The following LONP2 variants were observed in gnomAD, a reference collection of about 807,000 sequenced individuals.
LONP2 encodes the protein lon protease homolog 2, peroxisomal.
Under a neutral mutation model 85.6 loss-of-function variants are expected in LONP2, and 60 were observed. The observed-to-expected ratio is 0.70, with a 90% CI of 0.57 to 0.87. The LOEUF (loss-of-function observed/expected upper bound fraction) is 0.87, where lower values mean the gene tolerates loss of function less well. Ranked by LOEUF, LONP2 falls within the 40% of genes least tolerant of loss-of-function variation. LONP2 has a pLI of 0.00. For missense variants in LONP2, 860 were observed against 1,063.5 expected, an observed-to-expected ratio of 0.81 and a Z score of 2.66; for synonymous variants, 395 against 389.7, an observed-to-expected ratio of 1.01 and a Z score of -0.16.
chr16:48,317,233 A>G (rs1258664359), intron 11 of LONP2, among the ~76,000 whole-genome samples: 1 of 152,180 alleles, frequency 6.6e-6, no homozygotes, highest in African/African-American at 2.4e-5. Flanking sequence ...TCAACTTAGG[A>G]GTTAGTCAAC....
intron 13 of LONP2, 66 bp from the exon 14 acceptor site, chr16:48,348,030 CTTTT>C (rs956803139): frequency 3.7e-6 from 5 of 1,359,238 alleles, no homozygotes; most frequent in African/African-American, 1.5e-5. Context: ...TTGTTTGTGA[CTTTT>C]TTTTTAGGAG....
chr16:48,281,581 C>T (rs552038086), intron 8 of LONP2, among the ~76,000 whole-genome samples: 1 of 152,104 alleles, frequency 6.6e-6, no homozygotes, highest in African/African-American at 2.4e-5. Flanking sequence ...ATAACTGGCA[C>T]ATGTCCAGAC....
At chr16:48,269,946 A>G (rs1029863996) in intron 6 of LONP2, 70 bp from the exon 7 acceptor site, 10 of 1,503,666 alleles carry the variant, frequency 6.7e-6, no homozygotes, top group Non-Finnish European at 8.1e-6. Context: ...TGCCCTCGTC[A>G]TGCTTGAAAG....
At chr16:48,254,413 G>C (rs1971714967) in intron 2 of LONP2, among the ~76,000 whole-genome samples, 1 of 150,968 alleles carries the variant, frequency 6.6e-6, no homozygotes, top group Non-Finnish European at 1.5e-5. Context: ...GCCCAGGCTG[G>C]AGTGCAGTGG....
At chr16:48,294,515 C>A (rs1382959389) in intron 8 of LONP2, among the ~76,000 whole-genome samples, 1 of 152,154 alleles carries the variant, frequency 6.6e-6, no homozygotes, top group Non-Finnish European at 1.5e-5. Flanking sequence ...TCTGTAATCC[C>A]TGCACTTTGG....
intron 2 of LONP2, among the ~76,000 whole-genome samples, chr16:48,253,085 G>A (rs770710576): frequency 6.6e-6 from 1 of 152,204 alleles, no homozygotes; most frequent in Non-Finnish European, 1.5e-5. Flanking sequence ...TGAAATATGT[G>A]TGGGGCAAGT....
At chr16:48,258,083 C>T (rs1482923034) in intron 3 of LONP2, among the ~76,000 whole-genome samples, 1 of 152,192 alleles carries the variant, frequency 6.6e-6, no homozygotes, top group African/African-American at 2.4e-5. Context: ...CGCAGTGGCC[C>T]ACGCCTGTAA....
intron 8 of LONP2, among the ~76,000 whole-genome samples, chr16:48,286,651 C>T (rs889647240): frequency 2.6e-5 from 4 of 152,020 alleles, no homozygotes; most frequent in Admixed American, 2.6e-4. Flanking sequence ...ACTACAGGCA[C>T]ACACCAGCAT....
intron 11 of LONP2, among the ~76,000 whole-genome samples, chr16:48,332,722 A>T (rs961051113): frequency 1.3e-5 from 2 of 151,800 alleles, no homozygotes; most frequent in Admixed American, 1.3e-4. Context: ...AAAAAAAAAA[A>T]ATTACATATA....
intron 8 of LONP2, among the ~76,000 whole-genome samples, chr16:48,286,145 T>C (rs1972436959): frequency 6.7e-6 from 1 of 149,832 alleles, no homozygotes; most frequent in Non-Finnish European, 1.5e-5. Flanking sequence ...TTGTAATCTT[T>C]TTTTTTTTTT....
At chr16:48,287,815 T>A (rs1972478900) in intron 8 of LONP2, among the ~76,000 whole-genome samples, 1 of 152,244 alleles carries the variant, frequency 6.6e-6, no homozygotes, top group African/African-American at 2.4e-5. Flanking sequence ...GTATGTAGCA[T>A]TCTGAAAAAG....
At chr16:48,288,577 G>T (rs754285143) in intron 8 of LONP2, among the ~76,000 whole-genome samples, 1 of 152,132 alleles carries the variant, frequency 6.6e-6, no homozygotes, top group Non-Finnish European at 1.5e-5. Context: ...AGACCAAGGT[G>T]TTTATAGGTT....
At chr16:48,289,937 T>G (rs762504912) in intron 8 of LONP2, among the ~76,000 whole-genome samples, 5 of 152,176 alleles carry the variant, frequency 3.3e-5, no homozygotes, top group Non-Finnish European at 7.4e-5. Context: ...GTATTCAAGA[T>G]TGTAAAATAT....
intron 8 of LONP2, among the ~76,000 whole-genome samples, chr16:48,280,799 C>T (rs1322624478): frequency 2.6e-5 from 4 of 152,170 alleles, no homozygotes; most frequent in Non-Finnish European, 5.9e-5. Context: ...CCTCAGACCT[C>T]ACAGATTGTT....
chr16:48,298,253 G>T (rs1466359507), intron 9 of LONP2, among the ~76,000 whole-genome samples: 2 of 152,158 alleles, frequency 1.3e-5, no homozygotes, highest in East Asian at 3.9e-4. Context: ...CCATTCAAAA[G>T]GTGCCTTATC....
At chr16:48,282,789 C>T (rs1596943594) in intron 8 of LONP2, among the ~76,000 whole-genome samples, 1 of 152,100 alleles carries the variant, frequency 6.6e-6, no homozygotes, top group East Asian at 1.9e-4. Context: ...GCAGTGGCTT[C>T]TAAGTGTTGA....
At chr16:48,285,315 G>A (rs554633617) in intron 8 of LONP2, among the ~76,000 whole-genome samples, 1 of 152,028 alleles carries the variant, frequency 6.6e-6, no homozygotes, top group African/African-American at 2.4e-5. Flanking sequence ...CTGTGTTTAT[G>A]TGTGATCCTC....
At chr16:48,360,977 A>G (rs1473095499), downstream of LONP2, 1 of 152,250 alleles carries the variant, frequency 6.6e-6, no homozygotes, top group Non-Finnish European at 1.5e-5. Context: ...CACGTTATAA[A>G]TTTTTTACCA....
intron 7 of LONP2, among the ~76,000 whole-genome samples, chr16:48,275,327 C>T (rs1972184697): frequency 6.6e-6 from 1 of 152,138 alleles, no homozygotes; most frequent in African/African-American, 2.4e-5. Context: ...CTTTAGAGTG[C>T]TGATGGAAAG....
Sources: allele counts gnomAD v4.1 joint callset (sites outside exome capture counted in the v4.1 genomes callset), GRCh38; gene constraint gnomAD v4.1.1; transcripts MANE v1.5; gene names NCBI Gene and HGNC (gene_info 2026-07-23, HGNC 2026-07-21).